The following ANXA2R variants were observed in gnomAD, a reference collection of about 807,000 sequenced individuals.
The protein encoded by ANXA2R is annexin-2 receptor.
For missense variants in ANXA2R, 244 were observed against 241.5 expected, an observed-to-expected ratio of 1.01 and a Z score of -0.07; for synonymous variants, 93 against 93.6, an observed-to-expected ratio of 0.99 and a Z score of 0.04.
At chr5:43,040,866 A>C (rs967467035), upstream of ANXA2R, 27 of 152,188 alleles carry the variant, frequency 1.8e-4, no homozygotes, top group Non-Finnish European at 3.4e-4. Context: ...GGAGCGAAAA[A>C]GTGACAGCAC....
In ANXA2R at chr5:43,039,848, C is replaced by T. The variant is rs1742157029; in HGVS notation, c.199G>A (p.Val67Ile). 2 of 1,614,212 alleles carry T rather than the reference C, an allele frequency of 1.2e-6. No individual in the cohort carries two copies. The highest frequency in any genetic ancestry group is 1.3e-5 in the African/African-American group (1 of 75,064). ...LSSPCWRLPG[V>I]YWQNGLSPGV... ...GGAGAGAGTCCGTTTTGCCAGTAGA[C>T]TCCGGGCAGCCGCCAGCAAGGGCTG... Residue 67 changes from valine to isoleucine, a missense_variant, in exon 1 of 1, where the codon GTC becomes ATC. Coordinates refer to ENST00000616064, the MANE Select transcript of ANXA2R (RefSeq NM_001014279.3).
In ANXA2R at chr5:43,040,075, T is replaced by C. The variant is rs781698553; in HGVS notation, c.-29A>G. ...TCAAGCCTCAGACCAACGTTTGCGCTGATCAAGGAGGGAGAGTCTCTGCAC... is the reference window on the plus strand; with the variant it reads ...TCAAGCCTCAGACCAACGTTTGCGCCGATCAAGGAGGGAGAGTCTCTGCAC... On this transcript the variant is annotated 5_prime_UTR_variant, in exon 1 of 1. Transcript: ENST00000616064. 5.1e-6 allele frequency: 8 copies of C among 1,566,724 alleles called. No individual in the cohort carries two copies. The highest frequency in any genetic ancestry group is 6.9e-6 in the Non-Finnish European group (8 of 1,157,176).
At chr5:43,041,861 G>T (rs532624086), upstream of ANXA2R, 1 of 152,188 alleles carries the variant, frequency 6.6e-6, no homozygotes, top group East Asian at 1.9e-4. Flanking sequence ...CTTCGCCTTC[G>T]CATGGGGAAA....
upstream of ANXA2R, chr5:43,042,664 C>G (rs1031390583): frequency 6.5e-6 from 1 of 152,830 alleles, no homozygotes; most frequent in Non-Finnish European, 1.5e-5. The surrounding 1 kb of genome is among the most constrained non-coding windows in gnomAD (Gnocchi z 5.6). Context: ...TTGACACAAA[C>G]AGAAAAGTGT....
At chr5:43,040,840 G>A (rs531200045), upstream of ANXA2R, 9 of 152,308 alleles carry the variant, frequency 5.9e-5, no homozygotes, top group East Asian at 1.7e-3. Flanking sequence ...GTTCCTAGGA[G>A]ATACTAGCGG....
chr5:43,042,872 G>A (rs1235451095), upstream of ANXA2R: 3 of 152,486 alleles, frequency 2.0e-5, no homozygotes, highest in Admixed American at 6.5e-5. The surrounding 1 kb of genome is among the most constrained non-coding windows in gnomAD (Gnocchi z 5.6). Flanking sequence ...GTGGTTCTGC[G>A]ATCCAGAAAC....
chr5:43,042,006 C>G (rs1742202942), upstream of ANXA2R: 2 of 152,296 alleles, frequency 1.3e-5, no homozygotes, highest in Admixed American at 1.3e-4. The surrounding 1 kb of genome is among the most constrained non-coding windows in gnomAD (Gnocchi z 5.6). Context: ...TCCCAGGCAC[C>G]GCGAAATCGA....
Position 43,040,309 on chromosome 5 carries a change from A to C in ANXA2R, c.-263T>G. The C allele has an allele frequency of 1.2e-5, 5 of 404,864 alleles. No homozygotes were observed. Among genetic ancestry groups the C allele is most frequent in the East Asian group, 8.8e-5 (2 of 22,836 alleles). 25.1% of individuals were successfully genotyped at this position (404,864 alleles called of 1,614,324 possible). On this transcript the variant is annotated 5_prime_UTR_variant, in exon 1 of 1. Coordinates refer to ENST00000616064, the MANE Select transcript of ANXA2R (RefSeq NM_001014279.3). ...ACCGAAATGAAATGACACTAAGCAA[A>C]TCTTGAAGAGAACTAGCGCTACAGA...
Position 43,040,282 on chromosome 5 carries a change from A to T in ANXA2R, c.-236T>A. ...CGACAGAAAAACATGGCGAGAAAAG[A>T]AACCGAAATGAAATGACACTAAGCA... is the stretch of plus-strand genomic sequence containing the variant. On this transcript the variant is annotated 5_prime_UTR_variant, in exon 1 of 1. Transcript: ENST00000616064. 4.2e-6 allele frequency: 2 copies of T among 477,940 alleles called. No individual in the cohort carries two copies. The highest frequency in any genetic ancestry group is 7.8e-5 in the South Asian group (2 of 25,592). The allele number at this position is 477,940 out of a possible 1,614,324, so 29.6% of individuals were successfully genotyped here.
chr5:43,039,878 G>A lies in ANXA2R; in HGVS notation c.169C>T (p.Leu57Phe), dbSNP rs1324358786. 3 of 1,614,244 alleles carry A rather than the reference G, an allele frequency of 1.9e-6. No individual in the cohort carries two copies. The highest frequency in any genetic ancestry group is 1.1e-5 in the South Asian group (1 of 91,084). Residue 57 changes from leucine to phenylalanine, a missense_variant, in exon 1 of 1, where the codon CTT becomes TTT. By Grantham distance (22) the Leu-to-Phe change is conservative. Transcript: ENST00000616064. The stretch of plus-strand genomic sequence containing the variant: ...GGCAGCCGCCAGCAAGGGCTGGAAA[G>A]CAGTCCCAAATCACAGCTGTCCAGT... ...YSLDSCDLGL[L>F]SSPCWRLPGV...
chr5:43,040,137 G>A lies in ANXA2R; in HGVS notation c.-91C>T. On this transcript the variant is annotated 5_prime_UTR_variant, in exon 1 of 1. It adds an upstream start codon to the 5' untranslated region. Coordinates refer to ENST00000616064, the MANE Select transcript of ANXA2R (RefSeq NM_001014279.3). ...TGAGTATTTATGCTCTGCAGAGCCC[G>A]TGGGCGGAGGCCAGTCAGATATTAA... 8.1e-7 allele frequency: 1 copy of A among 1,242,004 alleles called. No individual in the cohort carries two copies. The highest frequency in any genetic ancestry group is 1.5e-5 in the South Asian group (1 of 64,800). The allele number at this position is 1,242,004 out of a possible 1,614,324, so 76.9% of individuals were successfully genotyped here.
At position 43,039,436 on chromosome 5, in the gene ANXA2R, G is replaced by A. The variant is rs1742144966; in HGVS notation, c.*29C>T. On this transcript the variant is annotated 3_prime_UTR_variant, in exon 1 of 1. Transcript: ENST00000616064. ...TGGTAACTGAGAATCTTTTCAAGGA[G>A]GAGAATCCAAAAAGCCTTCTGCTGC... 1 of 1,476,722 alleles carries A rather than the reference G, an allele frequency of 6.8e-7. No homozygotes were observed. The allele number at this position is 1,476,722 out of a possible 1,614,324, so 91.5% of individuals were successfully genotyped here. A position where few individuals can be genotyped will look rare whatever the true frequency, so the allele number is the denominator to read the frequency against.
At chr5:43,042,402 A>T (rs565457804), upstream of ANXA2R, 6 of 152,842 alleles carry the variant, frequency 3.9e-5, no homozygotes, top group African/African-American at 1.2e-4. The surrounding 1 kb of genome is among the most constrained non-coding windows in gnomAD (Gnocchi z 5.6). Flanking sequence ...GTTGTCAAGG[A>T]CAACATTTGT....
chr5:43,039,927 C>T lies in ANXA2R; in HGVS notation c.120G>A (p.Leu40=), dbSNP rs1742159627. The stretch of plus-strand genomic sequence containing the variant: ...GTGAGTACTCTCCTAGTACTGGATA[C>T]AAAGGAAGAGGCCACGGCCCACGAT... The part of the protein sequence containing the change: ...SEDRGPWPLP[L]YPVLGEYSLD... The change falls in exon 1 of 1, where the codon TTG becomes TTA. Residue 40 remains leucine, a synonymous_variant. Coordinates refer to ENST00000616064, the MANE Select transcript of ANXA2R (RefSeq NM_001014279.3). 3.7e-6 allele frequency: 6 copies of T among 1,614,196 alleles called. No individual in the cohort carries two copies. Among genetic ancestry groups the T allele is most frequent in the Non-Finnish European group, 4.2e-6 (5 of 1,180,034 alleles).
Position 43,039,391 on chromosome 5 carries a change from A to G in ANXA2R, c.*74T>C. 7.9e-7 allele frequency: 1 copy of G among 1,269,144 alleles called. No individual in the cohort carries two copies. The highest frequency in any genetic ancestry group is 1.1e-6 in the Non-Finnish European group (1 of 940,584). 78.6% of individuals were successfully genotyped at this position (1,269,144 alleles called of 1,614,324 possible). On this transcript the variant is annotated 3_prime_UTR_variant, in exon 1 of 1. Coordinates refer to ENST00000616064, the MANE Select transcript of ANXA2R (RefSeq NM_001014279.3). ...TGAAAGCACATCTTAATGTATTTTT[A>G]TTTTCTAGGTGGAGACGTTTGGTAA...
Position 43,040,013 on chromosome 5 carries a change from C to T in ANXA2R, c.34G>A (p.Ala12Thr), listed in dbSNP as rs572570308. The T allele has an allele frequency of 4.8e-5, 78 of 1,611,780 alleles. No homozygotes were observed. In the South Asian group the frequency reaches 5.9e-4, roughly 12 times the overall value. Residue 12 changes from alanine to threonine, a missense_variant, in exon 1 of 1, where the codon GCT becomes ACT. Ala to Thr is a moderately conservative substitution (Grantham distance 58). Transcript: ENST00000616064. ...EQHFLGCVKRAWDSAEVAPEP... is the reference protein window; with the variant it reads ...EQHFLGCVKRTWDSAEVAPEP... Reference sequence around the variant, plus strand: ...GGCGCCACCTCTGCGGAATCCCAAGCCCGCTTCACACAGCCAAGAAAATGT... The same window carrying T: ...GGCGCCACCTCTGCGGAATCCCAAGTCCGCTTCACACAGCCAAGAAAATGT...
chr5:43,040,409 ACTGT>A (rs1324072062), upstream of ANXA2R: 1 of 206,110 alleles, frequency 4.9e-6, no homozygotes, highest in Non-Finnish European at 1.1e-5. Context: ...CCACCGGAAA[ACTGT>A]CTGCTAGGGC....
At chr5:43,041,101 G>T (rs1343484839), upstream of ANXA2R, 2 of 128,722 alleles carry the variant, frequency 1.6e-5, no homozygotes. Flanking sequence ...AATCTGAGAC[G>T]CTCAAAATTA....
At chr5:43,042,653 G>T (rs1742221658), upstream of ANXA2R, 1 of 152,828 alleles carries the variant, frequency 6.5e-6, no homozygotes, top group East Asian at 1.9e-4. This position sits in a 1 kb window ranked among gnomAD's most constrained non-coding sequence, Gnocchi z 5.6. Context: ...ACGACTAGCA[G>T]TTGACACAAA....
Sources: gnomAD v4.1 joint callset for allele counts on GRCh38, gnomAD v4.1.1 for gene constraint, Gnocchi (gnomAD v3.1) non-coding constraint, MANE v1.5 for transcripts, NCBI Gene and HGNC (gene_info 2026-07-23, HGNC 2026-07-21) for gene names.